Variants in PBX1 observed in about 807,000 individuals in gnomAD.
PBX1 encodes pre-B-cell leukemia transcription factor 1.
Under a neutral mutation model 53.4 loss-of-function variants are expected in PBX1, and 6 were observed. That is an observed-to-expected ratio of 0.11 (90% CI 0.06 to 0.22). The LOEUF is 0.22. Among genes scored for constraint, PBX1 ranks in the 10% least tolerant of loss-of-function variants. PBX1 has a pLI of 1.00. For synonymous variants in PBX1, 204 were observed against 212.3 expected (o/e 0.96, Z 0.34); for missense variants, 251 against 551.4 (o/e 0.46, Z 5.46).
chr1:164,728,769 G>A (rs977305012), intron 2 of PBX1, among the ~76,000 whole-genome samples: 3 of 152,148 alleles, frequency 2.0e-5, no homozygotes, highest in African/African-American at 7.2e-5. Flanking sequence ...AACACCGGTT[G>A]AGTAATTTTT....
chr1:164,728,173 C>T (rs1439697550), intron 2 of PBX1, among the ~76,000 whole-genome samples: 1 of 151,976 alleles, frequency 6.6e-6, no homozygotes, highest in Non-Finnish European at 1.5e-5. Flanking sequence ...AAAAATTAGC[C>T]AGGCTTGGTG....
intron 2 of PBX1, among the ~76,000 whole-genome samples, chr1:164,685,771 G>C (rs1389443363): frequency 6.6e-6 from 1 of 152,236 alleles, no homozygotes; most frequent in Non-Finnish European, 1.5e-5. Context: ...CACACAGCTA[G>C]TGAGAGAAAA....
At chr1:164,562,990 T>A in intron 1 of PBX1, 2 of 240,266 alleles carry the variant, frequency 8.3e-6, no homozygotes, top group Admixed American at 5.5e-5. Context: ...ACCCTTTCCC[T>A]AAATGGGCAT....
At chr1:164,626,121 C>T (rs1658023602) in intron 2 of PBX1, 1 of 1,022,168 alleles carries the variant, frequency 9.8e-7, no homozygotes. Flanking sequence ...TCTTTGCAGG[C>T]TGAATGGCCA....
At chr1:164,833,161 A>G (rs1670850139) in intron 8 of PBX1, among the ~76,000 whole-genome samples, 1 of 152,134 alleles carries the variant, frequency 6.6e-6, no homozygotes, top group African/African-American at 2.4e-5. Flanking sequence ...AGAGAAGGGA[A>G]AGCCAGGCAT....
At chr1:164,875,608 C>G (rs1461756916) in intron 2 of PBX1, among the ~76,000 whole-genome samples, 1 of 152,088 alleles carries the variant, frequency 6.6e-6, no homozygotes, top group Non-Finnish European at 1.5e-5. Context: ...CCAAAAATCA[C>G]CCTTTAGATG....
intron 2 of PBX1, among the ~76,000 whole-genome samples, chr1:164,728,318 CAAAAA>C (rs1212181485): frequency 1.1e-5 from 1 of 91,256 alleles, no homozygotes; most frequent in African/African-American, 4.0e-5. Context: ...CTTGTCTTAA[CAAAAA>C]AAAAAAAAGA....
At chr1:164,835,084 A>G (rs938495291) in intron 8 of PBX1, among the ~76,000 whole-genome samples, 3 of 152,138 alleles carry the variant, frequency 2.0e-5, no homozygotes, top group East Asian at 1.9e-4. Flanking sequence ...TTACCTACCT[A>G]TATTACTAAA....
At chr1:164,595,392 T>C (rs555363794) in intron 2 of PBX1, among the ~76,000 whole-genome samples, 1 of 152,266 alleles carries the variant, frequency 6.6e-6, no homozygotes, top group East Asian at 1.9e-4. Flanking sequence ...CGGTGGCAAG[T>C]TGGCTGTGAA....
intron 2 of PBX1, among the ~76,000 whole-genome samples, chr1:164,616,181 C>T (rs1462700273): frequency 2.0e-5 from 3 of 152,098 alleles, no homozygotes; most frequent in Admixed American, 6.6e-5. Flanking sequence ...TCTTCATGCC[C>T]GGGGATGATT....
At chr1:164,621,741 G>T (rs1657692487) in intron 2 of PBX1, among the ~76,000 whole-genome samples, 1 of 152,172 alleles carries the variant, frequency 6.6e-6, no homozygotes, top group African/African-American at 2.4e-5. Context: ...GGACATACCT[G>T]AACAGAAAGG....
At chr1:164,581,359 C>G (rs888686431) in intron 2 of PBX1, among the ~76,000 whole-genome samples, 1 of 151,800 alleles carries the variant, frequency 6.6e-6, no homozygotes, top group African/African-American at 2.4e-5. Context: ...TCCCGAGTAG[C>G]TGGGATTACA....
At chr1:164,714,883 T>C (rs1201796619) in intron 2 of PBX1, among the ~76,000 whole-genome samples, 1 of 152,236 alleles carries the variant, frequency 6.6e-6, no homozygotes, top group African/African-American at 2.4e-5. Flanking sequence ...ACCTTCTAGC[T>C]CAGTGCTTTT....
At chr1:164,690,836 G>T (rs1286065894) in intron 2 of PBX1, among the ~76,000 whole-genome samples, 1 of 151,642 alleles carries the variant, frequency 6.6e-6, no homozygotes, top group Non-Finnish European at 1.5e-5. Context: ...AGGTAGACTA[G>T]GAATCATCCC....
At chr1:164,744,448 A>G (rs1665785212) in intron 2 of PBX1, among the ~76,000 whole-genome samples, 1 of 152,226 alleles carries the variant, frequency 6.6e-6, no homozygotes, top group Non-Finnish European at 1.5e-5. Context: ...TGAAACAACA[A>G]TAATACTCAT....
At chr1:164,681,109 TG>T (rs56018451) in intron 2 of PBX1, among the ~76,000 whole-genome samples, 151,327 of 152,206 alleles carry the variant, frequency 0.99, 75,227 homozygotes, top group Middle Eastern at 1. Context: ...CCTGTCATGA[TG>T]GGAGCGTGCC....
chr1:164,807,846 C>G, intron 5 of PBX1, among the ~76,000 whole-genome samples, 169 bp downstream of exon 5: 1 of 152,170 alleles, frequency 6.6e-6, no homozygotes, highest in East Asian at 1.9e-4. Context: ...AAGTGAGTTT[C>G]TAGGTAAGTA....
intron 2 of PBX1, among the ~76,000 whole-genome samples, chr1:164,697,497 C>T (rs1311625169): frequency 6.6e-6 from 1 of 152,210 alleles, no homozygotes; most frequent in Non-Finnish European, 1.5e-5. Flanking sequence ...TTTTATACGT[C>T]CCCTTCTCTT....
At chr1:164,727,340 CCATT>C in intron 2 of PBX1, among the ~76,000 whole-genome samples, 1 of 152,160 alleles carries the variant, frequency 6.6e-6, no homozygotes, top group East Asian at 1.9e-4. Flanking sequence ...GTTCTATTTA[CCATT>C]CACTGTGTCA....
Sources: allele counts gnomAD v4.1 joint callset (sites outside exome capture counted in the v4.1 genomes callset), GRCh38; gene constraint gnomAD v4.1.1; transcripts MANE v1.5; gene names NCBI Gene and HGNC (gene_info 2026-07-23, HGNC 2026-07-21).